The following PDE11A variants were observed in gnomAD, a reference collection of about 807,000 sequenced individuals.
The protein encoded by PDE11A is phosphodiesterase 11A.
In PDE11A, 100 loss-of-function variants were observed where a neutral mutation model predicts 100.5. The ratio of observed to expected loss-of-function variants is 1.00; its 90% confidence interval spans 0.85 to 1.18. The LOEUF is 1.18. Ranked by LOEUF, PDE11A falls within the 50% of genes most tolerant of loss-of-function variation. The pLI, the probability that PDE11A is intolerant of heterozygous loss-of-function variation, is 0.00. For synonymous variants in PDE11A, 381 were observed against 420.8 expected (o/e 0.91, Z 1.16); for missense variants, 1,141 against 1,152.6 (o/e 0.99, Z 0.15).
At chr2:178,008,009 A>C (rs2086232610) in intron 2 of PDE11A, among the ~76,000 whole-genome samples, 1 of 152,164 alleles carries the variant, frequency 6.6e-6, no homozygotes, top group Non-Finnish European at 1.5e-5. Context: ...CCTGGCCTTA[A>C]TTATGGTTTT....
chr2:177,720,134 C>T (rs1439890370), intron 12 of PDE11A, among the ~76,000 whole-genome samples: 1 of 152,000 alleles, frequency 6.6e-6, no homozygotes, highest in East Asian at 1.9e-4. Flanking sequence ...TTTTGAGACC[C>T]TATTTTATTT....
At chr2:177,888,552 A>G (rs1262628149) in intron 4 of PDE11A, 1 of 176,850 alleles carries the variant, frequency 5.7e-6, no homozygotes, top group Non-Finnish European at 1.1e-5. Context: ...AAAACCCTTA[A>G]AGCAAAAATC....
chr2:177,686,929 C>G (rs1574044544), intron 15 of PDE11A: 1 of 151,970 alleles, frequency 6.6e-6, no homozygotes, highest in East Asian at 1.9e-4. Flanking sequence ...GTTGGCCAGG[C>G]TGATCTTGAA....
intron 2 of PDE11A, among the ~76,000 whole-genome samples, chr2:177,923,668 G>A (rs1423743651): frequency 4.6e-5 from 7 of 152,090 alleles, no homozygotes; most frequent in African/African-American, 1.7e-4. Flanking sequence ...GTTCTCCAGA[G>A]GAAAATCAAA....
At chr2:177,928,895 A>G (rs2105761664) in intron 2 of PDE11A, among the ~76,000 whole-genome samples, 1 of 152,264 alleles carries the variant, frequency 6.6e-6, no homozygotes, top group East Asian at 1.9e-4. Flanking sequence ...ATAACAGAAT[A>G]GTCTATACAT....
intron 10 of PDE11A, among the ~76,000 whole-genome samples, chr2:177,748,127 C>G (rs1482042467): frequency 6.6e-6 from 1 of 152,128 alleles, no homozygotes; most frequent in Admixed American, 6.5e-5. Flanking sequence ...TAATAAGGGT[C>G]ATACTTCTAC....
At chr2:177,705,446 G>C (rs1185435002) in intron 13 of PDE11A, among the ~76,000 whole-genome samples, 1 of 152,158 alleles carries the variant, frequency 6.6e-6, no homozygotes, top group Non-Finnish European at 1.5e-5. Flanking sequence ...ATACATGTAA[G>C]TATTCATGAT....
At chr2:178,042,997 T>C (rs1026370691) in intron 1 of PDE11A, among the ~76,000 whole-genome samples, 2 of 152,230 alleles carry the variant, frequency 1.3e-5, no homozygotes, top group African/African-American at 4.8e-5. Flanking sequence ...AAAGATTTTA[T>C]AGATTTTTTT....
chr2:177,746,424 A>G (rs1334815516), intron 10 of PDE11A, among the ~76,000 whole-genome samples: 1 of 152,206 alleles, frequency 6.6e-6, no homozygotes, highest in Non-Finnish European at 1.5e-5. Context: ...TGAAATAACT[A>G]AACAAACCAA....
At chr2:177,724,602 G>A (rs1224788161) in intron 12 of PDE11A, among the ~76,000 whole-genome samples, 1 of 152,052 alleles carries the variant, frequency 6.6e-6, no homozygotes, top group African/African-American at 2.4e-5. Context: ...AAGGTCACAC[G>A]GAGAACACTA....
chr2:178,020,154 G>A (rs1342910698), intron 1 of PDE11A, among the ~76,000 whole-genome samples: 1 of 152,188 alleles, frequency 6.6e-6, no homozygotes, highest in Non-Finnish European at 1.5e-5. Context: ...GGAGGAACAA[G>A]AAGAGTGGTA....
intron 2 of PDE11A, among the ~76,000 whole-genome samples, chr2:177,949,359 A>C (rs978768437): frequency 6.6e-6 from 1 of 152,244 alleles, no homozygotes; most frequent in Non-Finnish European, 1.5e-5. Flanking sequence ...GAAGAAAGTT[A>C]AAGTCACCCA....
At chr2:177,912,666 A>T (rs2084899728) in intron 2 of PDE11A, among the ~76,000 whole-genome samples, 2 of 151,340 alleles carry the variant, frequency 1.3e-5, no homozygotes, top group South Asian at 4.2e-4. Context: ...TTCTAAAATA[A>T]TTTTTTTTTC....
At chr2:178,018,254 C>T (rs985933460) in intron 1 of PDE11A, 4 of 418,640 alleles carry the variant, frequency 9.6e-6, no homozygotes, top group East Asian at 6.0e-5. Flanking sequence ...CCTTGCTCTG[C>T]GATGGACTAC....
Position 177,957,062 on chromosome 2 carries a change from T to TA in PDE11A, c.1072-51876dup, listed in dbSNP as rs891311512. On this transcript the variant is annotated intron_variant, in intron 2 of 19. Transcript: ENST00000286063. The stretch of plus-strand genomic sequence containing the variant: ...AACTTAAAGTATAATAATAATAAAA[T>TA]AAAAAAAAAGAAAAGAGCAAAAAAA... Among the ~76,000 whole-genome samples, 69 of 142,758 alleles carry TA rather than the reference T, an allele frequency of 4.8e-4. 1 individual carries two copies. The South Asian group carries it at 0.013, about 27-fold the overall frequency. 93.7% of individuals were successfully genotyped at this position (142,758 alleles called of 152,430 possible).
intron 9 of PDE11A, among the ~76,000 whole-genome samples, chr2:177,790,470 T>G (rs1023338046): frequency 1.3e-5 from 2 of 151,754 alleles, no homozygotes; most frequent in Non-Finnish European, 2.9e-5. Context: ...ATTCAGGACA[T>G]AGGCAAGGGC....
At chr2:178,092,199 C>T (rs185878985) in intron 2 of PDE11A, among the ~76,000 whole-genome samples, 1 of 152,292 alleles carries the variant, frequency 6.6e-6, no homozygotes, top group East Asian at 1.9e-4. Context: ...TGGAAGCCAT[C>T]ATCAACAGTA....
chr2:177,884,739 G>A (rs1387848994), intron 4 of PDE11A, among the ~76,000 whole-genome samples: 1 of 152,138 alleles, frequency 6.6e-6, no homozygotes, highest in East Asian at 1.9e-4. Context: ...AAAGAAGAGT[G>A]CCCTCTTTGC....
At chr2:177,700,078 G>A (rs967347973) in intron 14 of PDE11A, among the ~76,000 whole-genome samples, 1 of 152,144 alleles carries the variant, frequency 6.6e-6, no homozygotes, top group African/African-American at 2.4e-5. Flanking sequence ...AGCCACAGAG[G>A]CCAGGATGCT....
Sources: gnomAD v4.1 joint callset for allele counts (sites outside exome capture counted in the v4.1 genomes callset) on GRCh38, gnomAD v4.1.1 for gene constraint, MANE v1.5 for transcripts, NCBI Gene and HGNC (gene_info 2026-07-23, HGNC 2026-07-21) for gene names.